DRC11: variants seen among roughly 807,000 people sequenced by gnomAD.
DRC11 encodes the protein IQ and AAA domain-containing protein 1.
the DRC11 span, among the ~76,000 whole-genome samples, chr2:236,416,147 C>T: frequency 6.6e-6 from 1 of 151,928 alleles, no homozygotes; most frequent in Non-Finnish European, 1.5e-5. Flanking sequence ...GGGAAGCAGC[C>T]CTGGGCAGAG....
At chr2:236,441,743 C>CAA in the DRC11 span, among the ~76,000 whole-genome samples, 4 of 152,152 alleles carry the variant, frequency 2.6e-5, no homozygotes, top group African/African-American at 9.7e-5. Context: ...GTACGTAAGA[C>CAA]TATCTGCCAA....
At chr2:236,347,508 C>CTATATATATATATATATACATATATATA in the DRC11 span, among the ~76,000 whole-genome samples, 1 of 107,494 alleles carries the variant, frequency 9.3e-6, no homozygotes. Context: ...AAAAACTGTG[C>CTATATATATATATATATACATATATATA]TATATATATA....
At chr2:236,336,449 T>TGCCACCACGGCC in the DRC11 span, among the ~76,000 whole-genome samples, 2 of 150,014 alleles carry the variant, frequency 1.3e-5, no homozygotes, top group Non-Finnish European at 3.0e-5. This position sits in a 1 kb window ranked among gnomAD's most constrained non-coding sequence, Gnocchi z 7.3. Context: ...CCACCACCAC[T>TGCCACCACGGCC]GCCACCACGG....
chr2:236,343,940 T>A, the DRC11 span, among the ~76,000 whole-genome samples: 1 of 152,238 alleles, frequency 6.6e-6, no homozygotes, highest in African/African-American at 2.4e-5. This position sits in a 1 kb window ranked among gnomAD's most constrained non-coding sequence, Gnocchi z 6.6. Context: ...AAAATCCTTA[T>A]GAATTTAATC....
At chr2:236,373,971 G>C in the DRC11 span, among the ~76,000 whole-genome samples, 1 of 152,156 alleles carries the variant, frequency 6.6e-6, no homozygotes, top group African/African-American at 2.4e-5. Context: ...ACTGGGGTGG[G>C]TCACCGCCCC....
the DRC11 span, among the ~76,000 whole-genome samples, chr2:236,470,961 G>A: frequency 6.6e-6 from 1 of 152,150 alleles, no homozygotes; most frequent in Admixed American, 6.5e-5. This position sits in a 1 kb window ranked among gnomAD's most constrained non-coding sequence, Gnocchi z 5.1. Flanking sequence ...AAATAGTGGT[G>A]GGCTTTTCAT....
the DRC11 span, among the ~76,000 whole-genome samples, chr2:236,411,116 A>G: frequency 6.8e-3 from 1,008 of 147,222 alleles, 14 homozygotes; most frequent in East Asian, 0.029. Flanking sequence ...GGCAACCTAC[A>G]AAATGGGAGA....
the DRC11 span, among the ~76,000 whole-genome samples, chr2:236,506,437 T>C: frequency 2.0e-5 from 3 of 152,230 alleles, no homozygotes; most frequent in Admixed American, 2.0e-4. The surrounding 1 kb of genome is among the most constrained non-coding windows in gnomAD (Gnocchi z 4.9). Flanking sequence ...AACAGAACTC[T>C]TGATCTTCCC....
the DRC11 span, among the ~76,000 whole-genome samples, chr2:236,339,944 A>T: frequency 1.7e-3 from 261 of 152,374 alleles, no homozygotes; most frequent in South Asian, 7.2e-3. Flanking sequence ...AAGCTGGCTG[A>T]GATTTCATGG....
chr2:236,449,347 C>T, the DRC11 span, among the ~76,000 whole-genome samples: 2 of 152,146 alleles, frequency 1.3e-5, no homozygotes, highest in African/African-American at 4.8e-5. The surrounding 1 kb of genome is among the most constrained non-coding windows in gnomAD (Gnocchi z 5.1). Flanking sequence ...CCCAAGGCAC[C>T]ATTCTGTCAC....
chr2:236,407,812 G>T, the DRC11 span: 2 of 269,126 alleles, frequency 7.4e-6, no homozygotes, highest in Non-Finnish European at 1.5e-5. Flanking sequence ...AACTTTTAGT[G>T]AGACCTCAGC....
the DRC11 span, among the ~76,000 whole-genome samples, chr2:236,358,194 AAT>A: frequency 6.0e-3 from 748 of 125,398 alleles, 2 homozygotes; most frequent in Non-Finnish European, 8.6e-3. Flanking sequence ...ATGAATATAT[AAT>A]ATATATACTA....
chr2:236,375,410 G>A, the DRC11 span, among the ~76,000 whole-genome samples: 7 of 152,124 alleles, frequency 4.6e-5, no homozygotes, highest in Admixed American at 4.6e-4. The surrounding 1 kb of genome is among the most constrained non-coding windows in gnomAD (Gnocchi z 4.2). Flanking sequence ...CCATAAATAA[G>A]AGACAGTTCT....
chr2:236,488,411 T>A, the DRC11 span, among the ~76,000 whole-genome samples: 39 of 152,348 alleles, frequency 2.6e-4, no homozygotes, highest in African/African-American at 8.9e-4. Flanking sequence ...AAGGGCCCCC[T>A]GACTTTCCTT....
At chr2:236,396,481 G>T in the DRC11 span, among the ~76,000 whole-genome samples, 2 of 152,104 alleles carry the variant, frequency 1.3e-5, no homozygotes, top group Non-Finnish European at 2.9e-5. Flanking sequence ...CTACAGGCTT[G>T]CTTCTAGGAG....
At chr2:236,358,759 A>T in the DRC11 span, among the ~76,000 whole-genome samples, 7 of 149,430 alleles carry the variant, frequency 4.7e-5, no homozygotes, top group Admixed American at 4.6e-4. Flanking sequence ...TGACACTCAG[A>T]GTGCTGAATG....
the DRC11 span, among the ~76,000 whole-genome samples, chr2:236,397,494 CA>C: frequency 2.0e-5 from 3 of 152,186 alleles, no homozygotes; most frequent in South Asian, 6.2e-4. The surrounding 1 kb of genome is among the most constrained non-coding windows in gnomAD (Gnocchi z 5.0). Context: ...AAGAAGTCAG[CA>C]AAGGCCAAGG....
chr2:236,359,292 C>T, the DRC11 span, among the ~76,000 whole-genome samples: 5 of 151,900 alleles, frequency 3.3e-5, no homozygotes, highest in African/African-American at 1.2e-4. This position sits in a 1 kb window ranked among gnomAD's most constrained non-coding sequence, Gnocchi z 4.3. Context: ...GAAACGCTTC[C>T]CCTCACCCCT....
chr2:236,326,074 G>A, the DRC11 span, among the ~76,000 whole-genome samples: 1 of 152,090 alleles, frequency 6.6e-6, no homozygotes, highest in African/African-American at 2.4e-5. Context: ...TTTCTTTGTA[G>A]GTAATCTGGT....
Sources: allele counts gnomAD v4.1 joint callset (sites outside exome capture counted in the v4.1 genomes callset), GRCh38; gene constraint gnomAD v4.1.1; non-coding constraint Gnocchi (gnomAD v3.1); transcripts MANE v1.5; gene names NCBI Gene and HGNC (gene_info 2026-07-23, HGNC 2026-07-21).